Variants in FGL1 observed in about 807,000 individuals in gnomAD.
FGL1 encodes the protein fibrinogen like 1, also known as fibrinogen-like protein 1.
A neutral mutation model predicts 43.7 loss-of-function variants in FGL1; 59 were observed. The ratio of observed to expected loss-of-function variants is 1.35; its 90% CI spans 1.10 to 1.68. FGL1 has a LOEUF of 1.68. FGL1 is among the 40% of genes most tolerant of loss of function. The pLI is 0.00. For synonymous variants in FGL1, 192 were observed against 126.5 expected, an observed-to-expected ratio of 1.52 and a Z score of -3.48; for missense variants, 596 against 373.0, an observed-to-expected ratio of 1.60 and a Z score of -4.92.
chr8:17,885,693 C>T (rs182097449), intron 1 of FGL1, 122 bp from the exon 2 acceptor site: 31 of 707,564 alleles, frequency 4.4e-5, no homozygotes, highest in South Asian at 9.3e-5. Flanking sequence ...ATCTTAGAGT[C>T]GCCGAGGAAA....
intron 3 of FGL1, among the ~76,000 whole-genome samples, chr8:17,876,723 A>C (rs1315828708): frequency 6.6e-6 from 1 of 152,200 alleles, no homozygotes; most frequent in Non-Finnish European, 1.5e-5. Flanking sequence ...CAAAGAGCTG[A>C]ATACTAAAGA....
intron 7 of FGL1, chr8:17,868,252 CTCTT>C (rs1008787070): frequency 2.9e-4 from 58 of 202,118 alleles, no homozygotes; most frequent in African/African-American, 1.1e-3. Flanking sequence ...TACATGCTCT[CTCTT>C]TCTTTGTGTG....
intron 2 of FGL1, 73 bp from the exon 3 acceptor site, chr8:17,882,252 A>G (rs776196660): frequency 7.4e-7 from 1 of 1,358,372 alleles, no homozygotes; most frequent in Non-Finnish European, 1.0e-6. Flanking sequence ...AAACATTTGG[A>G]TAAATCAGTG....
Position 17,864,665 on chromosome 8 carries a change from T to C in FGL1, c.866A>G (p.His289Arg), listed in dbSNP as rs749384577. 1.2e-6 allele frequency: 2 copies of C among 1,613,858 alleles called. No homozygotes were observed. Among genetic ancestry groups the C allele is most frequent in the South Asian group, 2.2e-5 (2 of 91,062 alleles). Residue 289 changes from histidine (H) to arginine (R), a missense_variant, in exon 8 of 8, where the codon CAT (histidine) becomes CGT (arginine). Transcript: ENST00000427924. ...AGATTTCAGAGAATACCACCACCCA[T>C]GCCAGGTGTACCAGACAATCCCATT... is the stretch of plus-strand genomic sequence containing the variant. The part of the protein sequence containing the change: ...TDNGIVWYTW[H>R]GWWYSLKSVV...
intron 3 of FGL1, among the ~76,000 whole-genome samples, chr8:17,875,102 A>T (rs757283124): frequency 6.6e-6 from 1 of 152,228 alleles, no homozygotes; most frequent in Non-Finnish European, 1.5e-5. Context: ...AAGTTACTAC[A>T]GGTTATCCTG....
Position 17,866,880 on chromosome 8 carries a change from A to G in FGL1, c.779+1668T>C, listed in dbSNP as rs1273414760. On this transcript the variant is annotated intron_variant, in intron 7 of 7. Transcript: ENST00000427924. The stretch of plus-strand genomic sequence containing the variant: ...GTTTTATGTCATGCTGACTTAGAAG[A>G]ACAAGGGGGAAAGAAAGGAGTAGGA... Among the ~76,000 whole-genome samples, 4 of 152,214 alleles carry G rather than the reference A, an allele frequency of 2.6e-5. No homozygotes were observed. In the East Asian group the frequency reaches 5.8e-4, roughly 22 times the overall value.
chr8:17,875,607 T>TTCTC, intron 3 of FGL1, among the ~76,000 whole-genome samples: 1 of 147,160 alleles, frequency 6.8e-6, no homozygotes, highest in Non-Finnish European at 1.5e-5. Flanking sequence ...CTTTCTTTCT[T>TTCTC]TCTTTCTTTT....
chr8:17,889,211 C>T (rs2053670885), intron 1 of FGL1, among the ~76,000 whole-genome samples: 1 of 152,196 alleles, frequency 6.6e-6, no homozygotes, highest in Admixed American at 6.5e-5. Context: ...AAGGAATACT[C>T]ATCTGAAACC....
chr8:17,875,701 T>G (rs1382512068), intron 3 of FGL1, among the ~76,000 whole-genome samples: 1 of 151,548 alleles, frequency 6.6e-6, no homozygotes, highest in Non-Finnish European at 1.5e-5. Context: ...GCCTCCCGGG[T>G]TCAAGCGATT....
intron 1 of FGL1, among the ~76,000 whole-genome samples, chr8:17,893,656 T>A (rs1360976925): frequency 2.0e-5 from 3 of 147,066 alleles, no homozygotes; most frequent in Non-Finnish European, 1.5e-5. Context: ...AAAGTCATTA[T>A]ATTACTTTGA....
chr8:17,864,674 T>C lies in FGL1; in HGVS notation c.857A>G (p.Tyr286Cys). 4 of 1,613,692 alleles carry C rather than the reference T, an allele frequency of 2.5e-6. No homozygotes were observed. The highest frequency in any genetic ancestry group is 3.4e-6 in the Non-Finnish European group (4 of 1,179,888). The change falls in exon 8 of 8, where the codon TAC (tyrosine) becomes TGC (cysteine). Residue 286 changes from tyrosine to cysteine, a missense_variant. Tyr to Cys is a radical substitution (Grantham distance 194). Transcript: ENST00000427924. Reference sequence around the variant, plus strand: ...AGAATACCACCACCCATGCCAGGTGTACCAGACAATCCCATTGTCTGTTTT... The same window carrying C: ...AGAATACCACCACCCATGCCAGGTGCACCAGACAATCCCATTGTCTGTTTT... ...TAKTDNGIVWYTWHGWWYSLK... is the reference protein window; with the variant it reads ...TAKTDNGIVWCTWHGWWYSLK...
At chr8:17,878,894 C>G (rs1329216012) in intron 3 of FGL1, among the ~76,000 whole-genome samples, 1 of 150,440 alleles carries the variant, frequency 6.6e-6, no homozygotes, top group Non-Finnish European at 1.5e-5. Context: ...ATATTTTATA[C>G]CATATTATAT....
Position 17,874,364 on chromosome 8 carries a change from G to A in FGL1, c.402C>T (p.Asn134=), listed in dbSNP as rs755328401. The A allele has an allele frequency of 1.2e-6, 2 of 1,612,332 alleles. No homozygotes were observed. Among genetic ancestry groups the A allele is most frequent in the South Asian group, 1.1e-5 (1 of 90,686 alleles). Residue 134 remains asparagine (N), a splice_region_variant and synonymous_variant, in exon 4 of 8, where the codon AAC becomes AAT. Coordinates refer to ENST00000427924, the MANE Select transcript of FGL1 (RefSeq NM_004467.4). The part of the protein sequence containing the change: ...QRRSDGSENF[N]RGWKDYENGF... ...GTCTTACATCATAATTAGCACACCT[G>A]TTAAAGTTTTCACTGCCATCAGATC...
At chr8:17,891,220 G>C (rs1016955267) in intron 1 of FGL1, 1 of 152,148 alleles carries the variant, frequency 6.6e-6, no homozygotes, top group African/African-American at 2.4e-5. Flanking sequence ...ACCATAAACT[G>C]AGTGGCCTAA....
chr8:17,882,762 A>C (rs1361130845), intron 2 of FGL1: 1 of 133,242 alleles, frequency 7.5e-6, no homozygotes, highest in African/African-American at 2.9e-5. Flanking sequence ...TATAATATAT[A>C]ATATATTAAA....
intron 1 of FGL1, 123 bp downstream of exon 1, chr8:17,895,324 A>C: frequency 4.4e-6 from 5 of 1,141,030 alleles, no homozygotes; most frequent in Non-Finnish European, 4.4e-6. Context: ...ACTCCTTGCT[A>C]GTCAACCTGA....
chr8:17,887,552 C>G (rs561493005), intron 1 of FGL1, among the ~76,000 whole-genome samples: 16 of 152,216 alleles, frequency 1.1e-4, no homozygotes. Context: ...ACACTGTGAA[C>G]AAAATAACCA....
chr8:17,889,386 C>A (rs1182379518), intron 1 of FGL1, among the ~76,000 whole-genome samples: 1 of 152,082 alleles, frequency 6.6e-6, no homozygotes, highest in Non-Finnish European at 1.5e-5. Context: ...TCCATCGCTA[C>A]TAAAAATACA....
In FGL1 at chr8:17,864,510, G is replaced by T. The variant is rs565494449; in HGVS notation, c.*82C>A. ...TACTCACAACAGTTATCATGATTGC[G>T]CATGGATATGTTCAGAATGAGTATT... is the stretch of plus-strand genomic sequence containing the variant. On this transcript the variant is annotated 3_prime_UTR_variant, in exon 8 of 8. Coordinates refer to ENST00000427924, the MANE Select transcript of FGL1 (RefSeq NM_004467.4). The T allele has an allele frequency of 2.1e-6, 3 of 1,401,686 alleles. No homozygotes were observed. In the African/African-American group the frequency reaches 4.4e-5, roughly 20 times the overall value. 86.8% of individuals were successfully genotyped at this position (1,401,686 alleles called of 1,614,324 possible). A position where few individuals can be genotyped will look rare whatever the true frequency, so the allele number is the denominator to read the frequency against.
Sources: gnomAD v4.1 joint callset for allele counts (sites outside exome capture counted in the v4.1 genomes callset) on GRCh38, gnomAD v4.1.1 for gene constraint, MANE v1.5 for transcripts, NCBI Gene and HGNC (gene_info 2026-07-23, HGNC 2026-07-21) for gene names.